The following LNPK variants were observed in gnomAD, a reference collection of about 807,000 sequenced individuals.
LNPK encodes the protein endoplasmic reticulum junction formation protein lunapark.
In LNPK, 29 loss-of-function variants were observed where a neutral mutation model predicts 55.2. The ratio of observed to expected loss-of-function variants is 0.53; its 90% CI spans 0.39 to 0.72. The LOEUF (loss-of-function observed/expected upper bound fraction) is 0.72, where lower values mean the gene tolerates loss of function less well. Ranked by LOEUF, LNPK falls within the 30% of genes least tolerant of loss-of-function variation. The pLI is 0.00. For synonymous variants in LNPK, 162 were observed against 168.2 expected (o/e 0.96, Z 0.29); for missense variants, 467 against 494.8 (o/e 0.94, Z 0.53).
chr2:175,970,319 T>C (rs1485240922), intron 6 of LNPK, among the ~76,000 whole-genome samples: 1 of 152,116 alleles, frequency 6.6e-6, no homozygotes, highest in East Asian at 1.9e-4. Flanking sequence ...TATCTCTCTC[T>C]CTCTCCCATC....
chr2:175,926,272 A>G lies in LNPK; in HGVS notation c.*3695T>C, dbSNP rs530774187. 1 of 152,212 alleles carries G rather than the reference A, an allele frequency of 6.6e-6. No homozygotes were observed. Among genetic ancestry groups the G allele is most frequent in the Non-Finnish European group, 1.5e-5 (1 of 68,044 alleles). The allele number at this position is 152,212 out of a possible 1,614,324, so 9.4% of individuals were successfully genotyped here. ...TGCTAACTGTTGCATTGGAAGGTGG[A>G]GCCTAATGGAGATGTTTAGGTCATG... On this transcript the variant is annotated 3_prime_UTR_variant, in exon 13 of 13. Coordinates refer to ENST00000272748, the MANE Select transcript of LNPK (RefSeq NM_030650.3).
chr2:175,971,811 T>G (rs1450216974), intron 5 of LNPK, among the ~76,000 whole-genome samples: 1 of 152,206 alleles, frequency 6.6e-6, no homozygotes, highest in Non-Finnish European at 1.5e-5. Flanking sequence ...TTTTGTTAGA[T>G]AAGACCAAGC....
At chr2:175,966,512 T>C (rs1206747864) in intron 6 of LNPK, among the ~76,000 whole-genome samples, 1 of 152,220 alleles carries the variant, frequency 6.6e-6, no homozygotes, top group East Asian at 1.9e-4. Flanking sequence ...AATGCTACTT[T>C]ATCGAATGAT....
Position 175,929,413 on chromosome 2 carries a change from C to T in LNPK, c.*554G>A, listed in dbSNP as rs1036681300. On this transcript the variant is annotated 3_prime_UTR_variant, in exon 13 of 13. Transcript: ENST00000272748. ...GTAGTTACAGTTCTACTTAACTGTT[C>T]CACTGCATTCTTATTGAGAATTCGT... 4.1e-6 allele frequency: 4 copies of T among 985,320 alleles called. No homozygotes were observed. In the African/African-American group the frequency reaches 7.0e-5, roughly 17 times the overall value. 61.0% of individuals were successfully genotyped at this position (985,320 alleles called of 1,614,324 possible). A position where few individuals can be genotyped will look rare whatever the true frequency, so the allele number is the denominator to read the frequency against.
intron 6 of LNPK, among the ~76,000 whole-genome samples, chr2:175,966,091 G>C (rs1686328176): frequency 6.6e-6 from 1 of 152,176 alleles, no homozygotes; most frequent in Admixed American, 6.5e-5. Context: ...TTTTGTTTTA[G>C]ATGGAGTCTC....
chr2:175,953,256 A>G (rs1022250538), intron 8 of LNPK, among the ~76,000 whole-genome samples: 2 of 151,698 alleles, frequency 1.3e-5, no homozygotes, highest in African/African-American at 4.8e-5. Context: ...AGGTGCTCTT[A>G]CTCTATTTTC....
At chr2:175,995,701 A>G in intron 1 of LNPK, 55 bp from the exon 2 acceptor site, 1 of 770,836 alleles carries the variant, frequency 1.3e-6, no homozygotes, top group African/African-American at 1.8e-5. Context: ...CATACCCACT[A>G]TAGATGTTGC....
intron 8 of LNPK, among the ~76,000 whole-genome samples, chr2:175,962,238 A>G (rs1316363734): frequency 1.3e-5 from 2 of 152,226 alleles, no homozygotes; most frequent in East Asian, 3.8e-4. Flanking sequence ...AAGAGCCTGC[A>G]TTGCCAAGAC....
chr2:175,959,099 C>A (rs1352682232), intron 8 of LNPK, among the ~76,000 whole-genome samples: 1 of 152,126 alleles, frequency 6.6e-6, no homozygotes, highest in Non-Finnish European at 1.5e-5. Context: ...CATTGGTGTA[C>A]CTGAAAGTGA....
Position 175,986,653 on chromosome 2 carries a change from T to G in LNPK, c.257+5578A>C, listed in dbSNP as rs527582635. On this transcript the variant is annotated intron_variant, in intron 4 of 12. Coordinates refer to ENST00000272748, the MANE Select transcript of LNPK (RefSeq NM_030650.3). Reference sequence around the variant, plus strand: ...TTCAAGAATGATTCAATATTTAATATAATCCCTTTGTATCAAGAGAAGATG... The same window carrying G: ...TTCAAGAATGATTCAATATTTAATAGAATCCCTTTGTATCAAGAGAAGATG... Among the ~76,000 whole-genome samples the G allele has an allele frequency of 2.6e-5, 4 of 152,196 alleles. No homozygotes were observed. In the South Asian group the frequency reaches 8.3e-4, roughly 32 times the overall value.
intron 5 of LNPK, among the ~76,000 whole-genome samples, chr2:175,979,023 A>AT (rs980919854): frequency 4.1e-4 from 62 of 152,266 alleles, no homozygotes; most frequent in Middle Eastern, 3.4e-3. Flanking sequence ...AACAAATAAA[A>AT]TTTTTTTAAA....
intron 6 of LNPK, among the ~76,000 whole-genome samples, chr2:175,968,328 A>G (rs1054624827): frequency 1.3e-5 from 2 of 152,218 alleles, no homozygotes; most frequent in Non-Finnish European, 2.9e-5. Context: ...AAAAACACAG[A>G]TTTCCCAAGG....
At chr2:175,956,431 T>C (rs1685698529) in intron 8 of LNPK, among the ~76,000 whole-genome samples, 1 of 152,138 alleles carries the variant, frequency 6.6e-6, no homozygotes, top group African/African-American at 2.4e-5. Flanking sequence ...AAGCATCCTG[T>C]TCTCCAACCA....
intron 12 of LNPK, among the ~76,000 whole-genome samples, chr2:175,935,165 G>C (rs1174625604): frequency 1.3e-5 from 2 of 152,148 alleles, no homozygotes; most frequent in African/African-American, 2.4e-5. Context: ...ATGGAAGAAA[G>C]TTATCTTTTG....
chr2:175,999,892 T>C (rs1325074802), intron 1 of LNPK, among the ~76,000 whole-genome samples: 2 of 152,132 alleles, frequency 1.3e-5, no homozygotes, highest in East Asian at 1.9e-4. Context: ...CAGCCTCCCA[T>C]GTAGCTGGGA....
In LNPK at chr2:175,929,607, C is replaced by T. The variant is rs1408976799; in HGVS notation, c.*360G>A. 1.7e-5 allele frequency: 17 copies of T among 1,018,778 alleles called. No homozygotes were observed. The highest frequency in any genetic ancestry group is 1.8e-5 in the Non-Finnish European group (15 of 851,354). 63.1% of individuals were successfully genotyped at this position (1,018,778 alleles called of 1,614,324 possible). A position where few individuals can be genotyped will look rare whatever the true frequency, so the allele number is the denominator to read the frequency against. On this transcript the variant is annotated 3_prime_UTR_variant, in exon 13 of 13. Transcript: ENST00000272748. The stretch of plus-strand genomic sequence containing the variant: ...CCTTAAAACAAACACAATTAGAGAA[C>T]TTACTCTTAACCAAAGTTCTTCCTA...
In LNPK at chr2:175,927,945, G is replaced by T. The variant is rs2105500851; in HGVS notation, c.*2022C>A. 6.6e-6 allele frequency: 1 copy of T among 151,970 alleles called. No homozygotes were observed. Among genetic ancestry groups the T allele is most frequent in the African/African-American group, 2.4e-5 (1 of 41,450 alleles). The allele number at this position is 151,970 out of a possible 1,614,324, so 9.4% of individuals were successfully genotyped here. A position where few individuals can be genotyped will look rare whatever the true frequency, so the allele number is the denominator to read the frequency against. Reference sequence around the variant, plus strand: ...GTTTGAGTCTATCAAATTTCTCTGAGGTACTCACTCATTTTCAAGCAATGT... The same window carrying T: ...GTTTGAGTCTATCAAATTTCTCTGATGTACTCACTCATTTTCAAGCAATGT... On this transcript the variant is annotated 3_prime_UTR_variant, in exon 13 of 13. Transcript: ENST00000272748.
chr2:175,976,012 C>CAA (rs981585123), intron 5 of LNPK, among the ~76,000 whole-genome samples: 146 of 149,268 alleles, frequency 9.8e-4, no homozygotes, highest in African/African-American at 3.2e-3. Context: ...GACTCCATCT[C>CAA]AAAAAAAAAG....
intron 12 of LNPK, among the ~76,000 whole-genome samples, chr2:175,932,532 A>G (rs942491113): frequency 4.6e-5 from 7 of 152,142 alleles, no homozygotes; most frequent in Admixed American, 3.9e-4. Context: ...CAGAAAAGCA[A>G]TTTTTTAATG....
Sources: gnomAD v4.1 joint callset for allele counts (sites outside exome capture counted in the v4.1 genomes callset) on GRCh38, gnomAD v4.1.1 for gene constraint, MANE v1.5 for transcripts, NCBI Gene and HGNC (gene_info 2026-07-23, HGNC 2026-07-21) for gene names.